Variants in MIS18BP1 observed in about 807,000 individuals in gnomAD.
The protein encoded by MIS18BP1 is mis18-binding protein 1.
A neutral mutation model predicts 116.1 loss-of-function variants in MIS18BP1; 72 were observed. The observed-to-expected ratio is 0.62, with a 90% CI of 0.51 to 0.75. The LOEUF is 0.75. Ranked by LOEUF, MIS18BP1 falls within the 30% of genes least tolerant of loss-of-function variation. The pLI is 0.00. For missense variants in MIS18BP1, 1,363 were observed against 1,303.2 expected, an observed-to-expected ratio of 1.05 and a Z score of -0.71; for synonymous variants, 386 against 427.0, an observed-to-expected ratio of 0.90 and a Z score of 1.18.
chr14:45,222,959 T>A (rs1190879431), intron 11 of MIS18BP1, among the ~76,000 whole-genome samples: 3 of 152,214 alleles, frequency 2.0e-5, no homozygotes, highest in African/African-American at 7.2e-5. Flanking sequence ...TTCCTAATTG[T>A]AGAGAAGGTT....
At position 45,203,940 on chromosome 14, in the gene MIS18BP1, C is replaced by A; in HGVS notation, c.*169G>T. 1.1e-6 allele frequency: 1 copy of A among 904,856 alleles called. No homozygotes were observed. Among genetic ancestry groups the A allele is most frequent in the Non-Finnish European group, 1.5e-6 (1 of 654,660 alleles). 56.1% of individuals were successfully genotyped at this position (904,856 alleles called of 1,614,324 possible). On this transcript the variant is annotated 3_prime_UTR_variant, in exon 17 of 17. Coordinates refer to ENST00000310806, the MANE Select transcript of MIS18BP1 (RefSeq NM_018353.5). ...CAATTTTCTTTACATTTTTAGTAAG[C>A]TGCAGCAATGAGGATATTTTACTTT...
At chr14:45,223,475 G>A (rs886230166) in intron 11 of MIS18BP1, among the ~76,000 whole-genome samples, 5 of 152,204 alleles carry the variant, frequency 3.3e-5, no homozygotes, top group Non-Finnish European at 7.3e-5. Context: ...TACTCAGGAG[G>A]CTGAGGCAGG....
rs1220068383 is a variant in MIS18BP1 at position 45,235,720 on chromosome 14, C to G, written c.1348+94G>C. On this transcript the variant is annotated intron_variant, in intron 6 of 16. Transcript: ENST00000310806. Reference sequence around the variant, plus strand: ...TGATTTATTCATAATTTAAAAATACCTAATTAAAAGTTAAAAAAATGTGTA... The same window carrying G: ...TGATTTATTCATAATTTAAAAATACGTAATTAAAAGTTAAAAAAATGTGTA... The G allele has an allele frequency of 1.7e-5, 17 of 1,025,732 alleles. No individual in the cohort carries two copies. In the East Asian group the frequency reaches 5.0e-4, roughly 30 times the overall value. The allele number at this position is 1,025,732 out of a possible 1,614,324, so 63.5% of individuals were successfully genotyped here.
intron 11 of MIS18BP1, among the ~76,000 whole-genome samples, chr14:45,220,525 T>C (rs1890944567): frequency 1.3e-5 from 2 of 152,190 alleles, no homozygotes; most frequent in Non-Finnish European, 2.9e-5. Context: ...GGAGTTCTCA[T>C]GAAATCTGGT....
intron 6 of MIS18BP1, among the ~76,000 whole-genome samples, chr14:45,234,172 T>C (rs1247870103): frequency 1.3e-5 from 2 of 151,998 alleles, no homozygotes; most frequent in African/African-American, 4.8e-5. Flanking sequence ...AGGCCACTGG[T>C]GACTTTGATA....
intron 10 of MIS18BP1, among the ~76,000 whole-genome samples, chr14:45,226,249 CTTTCACTTCT>C (rs1162105324): frequency 6.6e-6 from 1 of 152,136 alleles, no homozygotes; most frequent in African/African-American, 2.4e-5. Flanking sequence ...ATGTTCTTCA[CTTTCACTTCT>C]TTTCACTTAT....
intron 13 of MIS18BP1, among the ~76,000 whole-genome samples, chr14:45,210,998 G>C (rs1352483405): frequency 6.6e-6 from 1 of 152,140 alleles, no homozygotes; most frequent in Non-Finnish European, 1.5e-5. Flanking sequence ...TCTTTATTCA[G>C]CCTGTAACCG....
At chr14:45,231,606 T>C (rs1041611591) in intron 7 of MIS18BP1, among the ~76,000 whole-genome samples, 2 of 152,262 alleles carry the variant, frequency 1.3e-5, no homozygotes, top group Non-Finnish European at 2.9e-5. Context: ...TGCCTGTTTT[T>C]GTAAATGAAG....
chr14:45,227,380 G>A (rs1726521491), intron 9 of MIS18BP1, among the ~76,000 whole-genome samples: 1 of 151,970 alleles, frequency 6.6e-6, no homozygotes, highest in Admixed American at 6.6e-5. Context: ...GGTGGTGCAT[G>A]CCTGTAGTCC....
intron 1 of MIS18BP1, among the ~76,000 whole-genome samples, chr14:45,250,559 G>C (rs1287128637): frequency 1.3e-5 from 2 of 152,218 alleles, no homozygotes; most frequent in East Asian, 3.8e-4. Flanking sequence ...GAAATTGTTA[G>C]TTCCTCTCAG....
intron 1 of MIS18BP1, among the ~76,000 whole-genome samples, chr14:45,248,638 C>CA (rs775984958): frequency 3.3e-5 from 5 of 151,934 alleles, no homozygotes; most frequent in Non-Finnish European, 7.4e-5. Flanking sequence ...TCTTTATCTA[C>CA]AGCAACTTCT....
intron 5 of MIS18BP1, 73 bp from the exon 6 acceptor site, chr14:45,236,017 CT>C: frequency 7.5e-7 from 1 of 1,330,728 alleles, no homozygotes; most frequent in Non-Finnish European, 1.0e-6. Flanking sequence ...TAATTTTACA[CT>C]TTAGCTACAG....
At chr14:45,252,395 A>T (rs1193485682) in intron 1 of MIS18BP1, among the ~76,000 whole-genome samples, 5 of 152,260 alleles carry the variant, frequency 3.3e-5, no homozygotes, top group Admixed American at 6.5e-5. Flanking sequence ...GCATTTGTTT[A>T]AAAAAATTTT....
chr14:45,243,376 G>C (rs1379540242), intron 2 of MIS18BP1, among the ~76,000 whole-genome samples: 2 of 152,052 alleles, frequency 1.3e-5, no homozygotes, highest in Non-Finnish European at 2.9e-5. Flanking sequence ...ATATCCTTTA[G>C]ACAATTTTTA....
chr14:45,246,358 C>T (rs1049446220), intron 2 of MIS18BP1, among the ~76,000 whole-genome samples: 1 of 152,142 alleles, frequency 6.6e-6, no homozygotes, highest in African/African-American at 2.4e-5. Context: ...TATTTCAAGG[C>T]GTTTATAACA....
chr14:45,217,492 T>C (rs1328171862), intron 12 of MIS18BP1, among the ~76,000 whole-genome samples: 1 of 152,190 alleles, frequency 6.6e-6, no homozygotes, highest in Non-Finnish European at 1.5e-5. Flanking sequence ...AAGTCTCCTA[T>C]AGAACAAATG....
Position 45,224,416 on chromosome 14 carries a change from C to A in MIS18BP1, c.2171G>T (p.Arg724Leu). The change falls in exon 11 of 17, where the codon CGG becomes CTG. Residue 724 changes from arginine to leucine, a missense_variant. Physicochemically the swap from Arg to Leu is moderately radical, Grantham distance 102. Transcript: ENST00000310806. ...TTCAAGGTTAGATATTTTTATTTTC[C>A]GGTTGACAGTAAGTAAGTCACGTTC... ...CDERDLLTVN[R>L]KIKISNLEKE... The A allele has an allele frequency of 6.2e-7, 1 of 1,613,678 alleles. No individual in the cohort carries two copies. Among genetic ancestry groups the A allele is most frequent in the Admixed American group, 1.7e-5 (1 of 59,972 alleles).
At chr14:45,244,592 G>A (rs900353459) in intron 2 of MIS18BP1, among the ~76,000 whole-genome samples, 1 of 152,092 alleles carries the variant, frequency 6.6e-6, no homozygotes, top group Non-Finnish European at 1.5e-5. Flanking sequence ...CATCTTAGCA[G>A]CAAAACAGGG....
chr14:45,248,545 T>C (rs924128677), intron 1 of MIS18BP1, among the ~76,000 whole-genome samples: 3 of 152,254 alleles, frequency 2.0e-5, no homozygotes, highest in African/African-American at 7.2e-5. Flanking sequence ...TTTATAACTA[T>C]TCCAATTAGT....
Sources: allele counts gnomAD v4.1 joint callset (sites outside exome capture counted in the v4.1 genomes callset), GRCh38; gene constraint gnomAD v4.1.1; transcripts MANE v1.5; gene names NCBI Gene and HGNC (gene_info 2026-07-23, HGNC 2026-07-21).